SLC7A1: variants seen among roughly 807,000 people sequenced by gnomAD.
SLC7A1 encodes the protein high affinity cationic amino acid transporter 1.
SLC7A1 carries 10 observed loss-of-function variants against 53.9 expected under a neutral mutation model. The ratio of observed to expected loss-of-function variants is 0.19; its 90% CI spans 0.11 to 0.31. The LOEUF (loss-of-function observed/expected upper bound fraction) is 0.31. Among genes scored for constraint, SLC7A1 ranks in the 10% least tolerant of loss-of-function variants. The pLI is 1.00. For missense variants in SLC7A1, 525 were observed against 827.2 expected (o/e 0.63, Z 4.48); for synonymous variants, 342 against 338.7 (o/e 1.01, Z -0.11).
chr13:29,553,362 A>G (rs1407801867), intron 2 of SLC7A1, among the ~76,000 whole-genome samples: 1 of 152,176 alleles, frequency 6.6e-6, no homozygotes, highest in Non-Finnish European at 1.5e-5. Flanking sequence ...CACACAGAGC[A>G]CGAGACACAG....
At chr13:29,541,458 GAGTCTGGT>G (rs1330111176) in intron 2 of SLC7A1, among the ~76,000 whole-genome samples, 2 of 152,166 alleles carry the variant, frequency 1.3e-5, no homozygotes, top group East Asian at 3.9e-4. Context: ...CAGGTGAACT[GAGTCTGGT>G]ACAATGGTAG....
At chr13:29,576,897 A>G (rs1253794759) in intron 1 of SLC7A1, among the ~76,000 whole-genome samples, 1 of 152,204 alleles carries the variant, frequency 6.6e-6, no homozygotes, top group Non-Finnish European at 1.5e-5. Context: ...AGACCAGGCT[A>G]GAACCCAGGT....
chr13:29,578,288 T>C (rs991127613), intron 1 of SLC7A1, among the ~76,000 whole-genome samples: 2 of 147,860 alleles, frequency 1.4e-5, no homozygotes, highest in Admixed American at 6.8e-5. Context: ...ACAACTGAAG[T>C]TTTTTTTTTG....
At chr13:29,544,209 T>C (rs1869802265) in intron 2 of SLC7A1, among the ~76,000 whole-genome samples, 1 of 152,200 alleles carries the variant, frequency 6.6e-6, no homozygotes, top group African/African-American at 2.4e-5. Context: ...GTAAACCGTT[T>C]TCAACTTTTA....
chr13:29,574,912 G>C (rs980423731), intron 1 of SLC7A1, among the ~76,000 whole-genome samples: 2 of 152,128 alleles, frequency 1.3e-5, no homozygotes, highest in Non-Finnish European at 1.5e-5. Context: ...CCAAAGTGCT[G>C]GGATTACCGG....
chr13:29,552,623 A>G (rs998070980), intron 2 of SLC7A1, among the ~76,000 whole-genome samples: 2 of 152,210 alleles, frequency 1.3e-5, no homozygotes, highest in Non-Finnish European at 2.9e-5. Context: ...AACCACAAAC[A>G]TTATCAAGAC....
intron 11 of SLC7A1, 101 bp downstream of exon 11, chr13:29,517,042 TC>T: frequency 8.4e-7 from 1 of 1,184,752 alleles, no homozygotes; most frequent in Non-Finnish European, 1.2e-6. Flanking sequence ...AAAACCTTCC[TC>T]GGGAGCACCC....
chr13:29,519,574 C>G (rs1651423291), intron 8 of SLC7A1, 25 bp from the exon 9 acceptor site: 1 of 1,422,918 alleles, frequency 7.0e-7, no homozygotes, highest in African/African-American at 1.4e-5. Context: ...ACACCAGGAT[C>G]TGTGGAGGGC....
At chr13:29,587,464 C>T (rs774664880) in intron 1 of SLC7A1, among the ~76,000 whole-genome samples, 1 of 152,146 alleles carries the variant, frequency 6.6e-6, no homozygotes, top group Non-Finnish European at 1.5e-5. Flanking sequence ...TTATTTCTTC[C>T]GTAGCCCACT....
intron 5 of SLC7A1, among the ~76,000 whole-genome samples, chr13:29,525,099 T>G (rs1187840549): frequency 6.6e-6 from 1 of 152,204 alleles, no homozygotes; most frequent in Non-Finnish European, 1.5e-5. Context: ...GGGTGCACCA[T>G]GCAGTCAGTG....
At chr13:29,521,818 C>T (rs1031991322) in intron 8 of SLC7A1, among the ~76,000 whole-genome samples, 2 of 152,190 alleles carry the variant, frequency 1.3e-5, no homozygotes, top group African/African-American at 4.8e-5. Flanking sequence ...TACGTATAAA[C>T]TTAGGGGCAA....
At chr13:29,571,877 A>T (rs1332473435) in intron 1 of SLC7A1, among the ~76,000 whole-genome samples, 1 of 152,184 alleles carries the variant, frequency 6.6e-6, no homozygotes, top group African/African-American at 2.4e-5. Context: ...TTTCAAGGGC[A>T]TTTTTTGTTT....
At chr13:29,547,383 G>A (rs74869771) in intron 2 of SLC7A1, among the ~76,000 whole-genome samples, 3,161 of 152,272 alleles carry the variant, frequency 0.021, 94 homozygotes, top group African/African-American at 0.071. Flanking sequence ...CGGGGCTTCG[G>A]CGGAAAGTTG....
At chr13:29,546,401 C>T (rs1405313160) in intron 2 of SLC7A1, among the ~76,000 whole-genome samples, 1 of 152,194 alleles carries the variant, frequency 6.6e-6, no homozygotes, top group Non-Finnish European at 1.5e-5. Flanking sequence ...CTTTAATTTT[C>T]TGAGCCTCTA....
intron 5 of SLC7A1, among the ~76,000 whole-genome samples, chr13:29,527,921 G>A (rs1050511677): frequency 6.6e-6 from 1 of 152,270 alleles, no homozygotes; most frequent in African/African-American, 2.4e-5. Flanking sequence ...AATCAGGACT[G>A]TGTGTTTCCC....
At position 29,532,944 on chromosome 13, in the gene SLC7A1, C is replaced by T. The variant is rs764130940; in HGVS notation, c.409G>A (p.Asp137Asn). 2.5e-6 allele frequency: 4 copies of T among 1,613,862 alleles called. No individual in the cohort carries two copies. ...SVARAWSATF[D>N]ELIGRPIGEF... The stretch of plus-strand genomic sequence containing the variant: ...CCGATGGGTCTGCCTATCAGCTCGT[C>T]GAAGGTGGCGCTCCAGGCCCTCGCT... Residue 137 changes from aspartate (D) to asparagine (N), a missense_variant, in exon 4 of 13, where the codon GAC (aspartate) becomes AAC (asparagine). Physicochemically the swap from Asp to Asn is conservative, Grantham distance 23 (BLOSUM62 1). Around this residue, in one of 4 missense-constraint regions of SLC7A1, gnomAD observed 354 missense variants for 587.5 expected, o/e 0.60. Transcript: ENST00000380752.
chr13:29,515,023 C>T (rs1469722862), intron 12 of SLC7A1, among the ~76,000 whole-genome samples: 2 of 152,168 alleles, frequency 1.3e-5, no homozygotes, highest in Admixed American at 6.5e-5. Flanking sequence ...CATAACTGAG[C>T]GTCAGACTGC....
chr13:29,532,682 C>T, intron 4 of SLC7A1, 142 bp downstream of exon 4: 1 of 662,132 alleles, frequency 1.5e-6, no homozygotes, highest in Non-Finnish European at 2.5e-6. Flanking sequence ...AATAAAGATG[C>T]CTGCATGCAG....
intron 2 of SLC7A1, among the ~76,000 whole-genome samples, chr13:29,550,370 C>A (rs758652075): frequency 6.6e-6 from 1 of 152,164 alleles, no homozygotes; most frequent in Non-Finnish European, 1.5e-5. Flanking sequence ...AATCAAGGAG[C>A]AAAATAATTT....
Sources: gnomAD v4.1 joint callset for allele counts (sites outside exome capture counted in the v4.1 genomes callset) on GRCh38, gnomAD v4.1.1 for gene constraint, gnomAD v4.1.1 regional missense constraint, MANE v1.5 for transcripts, NCBI Gene and HGNC (gene_info 2026-07-23, HGNC 2026-07-21) for gene names.